The following TENT5A variants were observed in gnomAD, a reference collection of about 807,000 sequenced individuals.
The protein encoded by TENT5A is terminal nucleotidyltransferase 5A, also known as HBV X-transactivated gene 11 protein.
TENT5A carries 9 observed loss-of-function variants against 30.2 expected under a neutral mutation model. The ratio of observed to expected loss-of-function variants is 0.30; its 90% confidence interval spans 0.18 to 0.52. TENT5A has a LOEUF of 0.52. Among genes scored for constraint, TENT5A ranks in the 20% least tolerant of loss-of-function variants. The probability of loss-of-function intolerance (pLI) is 0.97; values close to 1 mark genes in which losing one functional copy is unlikely to be tolerated. For synonymous variants in TENT5A, 264 were observed against 234.2 expected (o/e 1.13, Z -1.16); for missense variants, 411 against 566.1 (o/e 0.73, Z 2.78).
chr6:81,751,644 C>T lies in TENT5A; in HGVS notation c.498G>A (p.Leu166=). ...TVKDVVLDCL[L]DFLPEGVNKE... ...TGTTCACCCCCTCGGGTAAGAAGTC[C>T]AACAGGCAGTCCAGCACGACGTCCT... The change falls in exon 2 of 3, where the codon TTG becomes TTA. Residue 166 remains leucine, a synonymous_variant. Transcript: ENST00000320172. 6.2e-7 allele frequency: 1 copy of T among 1,614,030 alleles called. No individual in the cohort carries two copies. Among genetic ancestry groups the T allele is most frequent in the Non-Finnish European group, 8.5e-7 (1 of 1,179,976 alleles).
At position 81,748,049 on chromosome 6, in the gene TENT5A, A is replaced by G. The variant is rs1562141482; in HGVS notation, c.*1646T>C. ...ATTTATAAAATGTTATATATAATAT[A>G]TATCTCATATATAAATTTTAAGCAA... is the stretch of plus-strand genomic sequence containing the variant. On this transcript the variant is annotated 3_prime_UTR_variant, in exon 3 of 3. Transcript: ENST00000320172. 5 of 957,384 alleles carry G rather than the reference A, an allele frequency of 5.2e-6. No homozygotes were observed. The highest frequency in any genetic ancestry group is 5.0e-6 in the Non-Finnish European group (4 of 804,398). 59.3% of individuals were successfully genotyped at this position (957,384 alleles called of 1,614,324 possible).
At position 81,752,577 on chromosome 6, in the gene TENT5A, C is replaced by T; in HGVS notation, c.-184G>A. On this transcript the variant is annotated 5_prime_UTR_variant, in exon 1 of 3. Transcript: ENST00000320172. ...CTGCCGCCTGCGCTCACCACTCCCTCCCCGCGACCCCTCCTGCGCCGCTGC... is the reference window on the plus strand; with the variant it reads ...CTGCCGCCTGCGCTCACCACTCCCTTCCCGCGACCCCTCCTGCGCCGCTGC... 1.2e-6 allele frequency: 1 copy of T among 852,128 alleles called. No individual in the cohort carries two copies. Among genetic ancestry groups the T allele is most frequent in the South Asian group, 1.4e-5 (1 of 70,206 alleles). 52.8% of individuals were successfully genotyped at this position (852,128 alleles called of 1,614,324 possible). A position where few individuals can be genotyped will look rare whatever the true frequency, so the allele number is the denominator to read the frequency against.
chr6:81,751,361 G>A (rs1194868632), intron 2 of TENT5A, among the ~76,000 whole-genome samples: 1 of 152,150 alleles, frequency 6.6e-6, no homozygotes, highest in South Asian at 2.1e-4. Flanking sequence ...GGCAGAGGAG[G>A]ACCTGGGAGA....
chr6:81,752,185 AGAAAGG>A lies in TENT5A; in HGVS notation c.-37-13_-37-8del. 2 of 1,493,702 alleles carry A rather than the reference AGAAAGG, an allele frequency of 1.3e-6. No individual in the cohort carries two copies. The highest frequency in any genetic ancestry group is 1.8e-6 in the Non-Finnish European group (2 of 1,123,024). 92.5% of individuals were successfully genotyped at this position (1,493,702 alleles called of 1,614,324 possible). A position where few individuals can be genotyped will look rare whatever the true frequency, so the allele number is the denominator to read the frequency against. On this transcript the variant is annotated splice_polypyrimidine_tract_variant and splice_region_variant and intron_variant, in intron 1 of 2. Coordinates refer to ENST00000320172, the MANE Select transcript of TENT5A (RefSeq NM_017633.3). ...CACTTGGCCCTGGTCAGTCCTAAAA[AGAAAGG>A]GAAAGGAGCGCGGTGAGGACGCGCG... is the stretch of plus-strand genomic sequence containing the variant.
Position 81,747,598 on chromosome 6 carries a change from A to G in TENT5A, c.*2097T>C. On this transcript the variant is annotated 3_prime_UTR_variant, in exon 3 of 3. Transcript: ENST00000320172. ...CCCTAGATAAACAAACAAACAAATT[A>G]TACTGCCAACAGGAGGATATTTTTT... The G allele has an allele frequency of 1.0e-6, 1 of 985,604 alleles. No homozygotes were observed. Among genetic ancestry groups the G allele is most frequent in the Non-Finnish European group, 1.2e-6 (1 of 829,824 alleles). The allele number at this position is 985,604 out of a possible 1,614,324, so 61.1% of individuals were successfully genotyped here.
At position 81,752,475 on chromosome 6, in the gene TENT5A, A is replaced by C; in HGVS notation, c.-82T>G. The C allele has an allele frequency of 6.5e-7, 1 of 1,541,862 alleles. No individual in the cohort carries two copies. Among genetic ancestry groups the C allele is most frequent in the Non-Finnish European group, 8.8e-7 (1 of 1,139,534 alleles). On this transcript the variant is annotated 5_prime_UTR_variant, in exon 1 of 3. Transcript: ENST00000320172. ...CTAGGAGCGCAGCGAGCGAGAGCGA[A>C]ACCGAGAGGCGGCAACACTTCCAGG...
rs112200813 is a variant in TENT5A, at chr6:81,751,233, T to C, written c.552+357A>G. On this transcript the variant is annotated intron_variant, in intron 2 of 2. Transcript: ENST00000320172. ...TTTTCCCAAAGGCTAGACTCAAATA[T>C]AATGACTCAAAAATTATTTACATCA... Among the ~76,000 whole-genome samples the C allele has an allele frequency of 1.2e-4, 18 of 152,324 alleles. 1 individual carries two copies. Among genetic ancestry groups the C allele is most frequent in the African/African-American group, 4.1e-4 (17 of 41,578 alleles).
Position 81,748,384 on chromosome 6 carries a change from A to C in TENT5A, c.*1311T>G. On this transcript the variant is annotated 3_prime_UTR_variant, in exon 3 of 3. Transcript: ENST00000320172. ...ATTTGTGGAATTTTATGGCTCACCA[A>C]AGAAAAAAAAAAAAAGAAAAAAAAA... 1.0e-5 allele frequency: 10 copies of C among 982,160 alleles called. No homozygotes were observed. The highest frequency in any genetic ancestry group is 1.2e-5 in the Non-Finnish European group (10 of 828,190). 60.8% of individuals were successfully genotyped at this position (982,160 alleles called of 1,614,324 possible).
chr6:81,747,485 G>A lies in TENT5A; in HGVS notation c.*2210C>T. 6 of 985,852 alleles carry A rather than the reference G, an allele frequency of 6.1e-6. No individual in the cohort carries two copies. Among genetic ancestry groups the A allele is most frequent in the African/African-American group, 1.7e-5 (1 of 57,360 alleles). The allele number at this position is 985,852 out of a possible 1,614,324, so 61.1% of individuals were successfully genotyped here. A position where few individuals can be genotyped will look rare whatever the true frequency, so the allele number is the denominator to read the frequency against. On this transcript the variant is annotated 3_prime_UTR_variant, in exon 3 of 3. Coordinates refer to ENST00000320172, the MANE Select transcript of TENT5A (RefSeq NM_017633.3). ...GGAAGCTGCTACAGCAAACCCATCA[G>A]GTTCCCATTAAGGCTTCAAAGAAAG...
At chr6:81,752,221 CGG>C in intron 1 of TENT5A, 43 bp from the exon 2 acceptor site, 1 of 1,254,714 alleles carries the variant, frequency 8.0e-7, no homozygotes, top group Non-Finnish European at 1.0e-6. Context: ...CGCGCGGCGG[CGG>C]AGAGCACGCG....
Position 81,749,248 on chromosome 6 carries a change from C to G in TENT5A, c.*447G>C, listed in dbSNP as rs1405064175. The G allele has an allele frequency of 1.0e-6, 1 of 989,038 alleles. No homozygotes were observed. Among genetic ancestry groups the G allele is most frequent in the African/African-American group, 1.7e-5 (1 of 57,358 alleles). The allele number at this position is 989,038 out of a possible 1,614,324, so 61.3% of individuals were successfully genotyped here. ...TATTGTTACTATTAATATCTGAACT[C>G]CTAAACTGATTCACAAGTTGGAGTG... On this transcript the variant is annotated 3_prime_UTR_variant, in exon 3 of 3. Transcript: ENST00000320172.
chr6:81,750,077 C>G lies in TENT5A; in HGVS notation c.947G>C (p.Arg316Thr). The G allele has an allele frequency of 6.2e-7, 1 of 1,614,144 alleles. No individual in the cohort carries two copies. Among genetic ancestry groups the G allele is most frequent in the Non-Finnish European group, 8.5e-7 (1 of 1,180,006 alleles). Residue 316 changes from arginine (R) to threonine (T), a missense_variant, in exon 3 of 3, where the codon AGG becomes ACG. Around this residue, in one of 5 missense-constraint regions of TENT5A, gnomAD observed 135 missense variants for 240.0 expected, o/e 0.56. Coordinates refer to ENST00000320172, the MANE Select transcript of TENT5A (RefSeq NM_017633.3). The surrounding 1 kb of genome is among the most constrained non-coding windows in gnomAD (Gnocchi z 4.2). ...GATGAAAAACCTGGAACACATATAC[C>G]TTTGAAGGGTCTTGATTTCATCAGA... ...PASDEIKTLQ[R>T]YMCSRFFIDF...
intron 2 of TENT5A, 34 bp downstream of exon 2, chr6:81,751,556 G>A: frequency 6.4e-7 from 1 of 1,564,134 alleles, no homozygotes; most frequent in Non-Finnish European, 8.7e-7. Flanking sequence ...GCCCAGACTG[G>A]GTCAGGACCC....
Position 81,750,139 on chromosome 6 carries a change from C to T in TENT5A, c.885G>A (p.Lys295=). Residue 295 remains lysine (K), a synonymous_variant, in exon 3 of 3, where the codon AAG becomes AAA. Coordinates refer to ENST00000320172, the MANE Select transcript of TENT5A (RefSeq NM_017633.3). The surrounding 1 kb of genome is among the most constrained non-coding windows in gnomAD (Gnocchi z 4.2). ...AGCCCCTCACCAAGAGGTTGCAGTACTTAAGCAGGCCTCCCCCTCGGATTT... is the reference window on the plus strand; with the variant it reads ...AGCCCCTCACCAAGAGGTTGCAGTATTTAAGCAGGCCTCCCCCTCGGATTT... ...PEEIRGGGLL[K]YCNLLVRGFR... 2 of 1,613,750 alleles carry T rather than the reference C, an allele frequency of 1.2e-6. No individual in the cohort carries two copies. The highest frequency in any genetic ancestry group is 1.1e-5 in the South Asian group (1 of 91,012).
At position 81,746,584 on chromosome 6, in the gene TENT5A, A is replaced by C; in HGVS notation, c.*3111T>G. ...AGGCAGCTGGATTTACTGCAAATTAAGTAAACCTTTAAAAACGGCATTGTC... is the reference window on the plus strand; with the variant it reads ...AGGCAGCTGGATTTACTGCAAATTACGTAAACCTTTAAAAACGGCATTGTC... On this transcript the variant is annotated 3_prime_UTR_variant, in exon 3 of 3. Transcript: ENST00000320172. 1.6e-6 allele frequency: 2 copies of C among 1,232,110 alleles called. No homozygotes were observed. The highest frequency in any genetic ancestry group is 2.0e-6 in the Non-Finnish European group (2 of 987,926). 76.3% of individuals were successfully genotyped at this position (1,232,110 alleles called of 1,614,324 possible). A position where few individuals can be genotyped will look rare whatever the true frequency, so the allele number is the denominator to read the frequency against.
rs1017486000 is a variant in TENT5A at position 81,752,186 on chromosome 6, G to A, written c.-37-8C>T. ...ACTTGGCCCTGGTCAGTCCTAAAAA[G>A]AAAGGGAAAGGAGCGCGGTGAGGAC... On this transcript the variant is annotated splice_polypyrimidine_tract_variant and splice_region_variant and intron_variant, in intron 1 of 2. Transcript: ENST00000320172. 16 of 1,491,404 alleles carry A rather than the reference G, an allele frequency of 1.1e-5. No homozygotes were observed. In the East Asian group the frequency reaches 2.5e-4, roughly 23 times the overall value. The allele number at this position is 1,491,404 out of a possible 1,614,324, so 92.4% of individuals were successfully genotyped here. A position where few individuals can be genotyped will look rare whatever the true frequency, so the allele number is the denominator to read the frequency against.
rs932908968 is a variant in TENT5A at position 81,752,656 on chromosome 6, T to C, written c.-263A>G. On this transcript the variant is annotated 5_prime_UTR_variant, in exon 1 of 3. Coordinates refer to ENST00000320172, the MANE Select transcript of TENT5A (RefSeq NM_017633.3). ...CGGCTCTTGCTGCCACACACGCTCG[T>C]GTCTCTGGAGCTTTAGCAGTTGTGC... is the stretch of plus-strand genomic sequence containing the variant. 2 of 717,958 alleles carry C rather than the reference T, an allele frequency of 2.8e-6. No individual in the cohort carries two copies. The highest frequency in any genetic ancestry group is 5.2e-6 in the Non-Finnish European group (2 of 385,590). 44.5% of individuals were successfully genotyped at this position (717,958 alleles called of 1,614,324 possible).
rs540787035 is a variant in TENT5A, at chr6:81,750,424, T to C, written c.600A>G (p.Arg200=). Residue 200 remains arginine, a synonymous_variant, in exon 3 of 3, where the codon CGA becomes CGG. Transcript: ENST00000320172. The surrounding 1 kb of genome is among the most constrained non-coding windows in gnomAD (Gnocchi z 4.2). ...KMVKVCNDSD[R]WSLISLSNNS... Reference sequence around the variant, plus strand: ...TGTTTGACAGGGATATAAGACTCCATCGGTCAGAGTCATTGCACACTTTAA... The same window carrying C: ...TGTTTGACAGGGATATAAGACTCCACCGGTCAGAGTCATTGCACACTTTAA... 16 of 1,593,502 alleles carry C rather than the reference T, an allele frequency of 1.0e-5. No individual in the cohort carries two copies. In the South Asian group the frequency reaches 1.7e-4, roughly 17 times the overall value.
Position 81,745,923 on chromosome 6 carries a change from T to C in TENT5A, c.*3772A>G, listed in dbSNP as rs780543926. The C allele has an allele frequency of 5.1e-6, 5 of 985,810 alleles. No individual in the cohort carries two copies. Among genetic ancestry groups the C allele is most frequent in the Non-Finnish European group, 6.0e-6 (5 of 829,902 alleles). The allele number at this position is 985,810 out of a possible 1,614,324, so 61.1% of individuals were successfully genotyped here. On this transcript the variant is annotated 3_prime_UTR_variant, in exon 3 of 3. Transcript: ENST00000320172. ...CCAAAAGAGTGACCCAAGGTGCAGC[T>C]TGCTGCAACAGAACACCTCAAAGCA...
Sources: gnomAD v4.1 joint callset for allele counts (sites outside exome capture counted in the v4.1 genomes callset) on GRCh38, gnomAD v4.1.1 for gene constraint, gnomAD v4.1.1 regional missense constraint, Gnocchi (gnomAD v3.1) non-coding constraint, MANE v1.5 for transcripts, NCBI Gene and HGNC (gene_info 2026-07-23, HGNC 2026-07-21) for gene names.